GPR161: variants seen among roughly 807,000 people sequenced by gnomAD.
GPR161 encodes the protein G-protein coupled receptor RE2.
In GPR161, 25 loss-of-function variants were observed where a neutral mutation model predicts 39.2. The ratio of observed to expected loss-of-function variants is 0.64; its 90% CI spans 0.47 to 0.89. The LOEUF (loss-of-function observed/expected upper bound fraction) is 0.89. GPR161 is among the 40% of genes least tolerant of loss of function. The pLI, the probability that GPR161 is intolerant of heterozygous loss-of-function variation, is 0.00. For synonymous variants in GPR161, 286 were observed against 276.6 expected, an observed-to-expected ratio of 1.03 and a Z score of -0.34; for missense variants, 547 against 677.8, an observed-to-expected ratio of 0.81 and a Z score of 2.14.
Position 168,097,244 on chromosome 1 carries a change from A to T in GPR161, c.375-12T>A. 1 of 1,597,136 alleles carries T rather than the reference A, an allele frequency of 6.3e-7. No homozygotes were observed. The highest frequency in any genetic ancestry group is 1.3e-5 in the African/African-American group (1 of 74,700). On this transcript the variant is annotated splice_polypyrimidine_tract_variant and intron_variant, in intron 2 of 5. Coordinates refer to ENST00000682931, the MANE Select transcript of GPR161 (RefSeq NM_001375883.1). Reference sequence around the variant, plus strand: ...GGACAGCATAGTAGCTAGAAAAGGGATGGAGGGAGGCAAGAGAGAGAAGTC... The same window carrying T: ...GGACAGCATAGTAGCTAGAAAAGGGTTGGAGGGAGGCAAGAGAGAGAAGTC...
At chr1:168,122,107 T>C (rs1244343706) in intron 1 of GPR161, among the ~76,000 whole-genome samples, 1 of 152,212 alleles carries the variant, frequency 6.6e-6, no homozygotes, top group Non-Finnish European at 1.5e-5. Flanking sequence ...TCACAGGCAT[T>C]GCAAGACTGT....
intron 1 of GPR161, chr1:168,136,257 C>T: frequency 7.1e-7 from 1 of 1,400,776 alleles, no homozygotes; most frequent in South Asian, 1.5e-5. Context: ...GGCTGCTCAC[C>T]TGGTCCTCAC....
chr1:168,101,341 C>T (rs939896635), intron 2 of GPR161, among the ~76,000 whole-genome samples: 2 of 152,172 alleles, frequency 1.3e-5, no homozygotes, highest in African/African-American at 4.8e-5. Context: ...ACATTTTGGG[C>T]TGTCACGACT....
chr1:168,130,298 G>A (rs964891283), intron 1 of GPR161, among the ~76,000 whole-genome samples: 1 of 152,252 alleles, frequency 6.6e-6, no homozygotes, highest in East Asian at 1.9e-4. Flanking sequence ...CCTATGCCTC[G>A]CCAATCAGCA....
Position 168,097,227 on chromosome 1 carries a change from T to C in GPR161, c.380A>G (p.Tyr127Cys), listed in dbSNP as rs1308271373. The C allele has an allele frequency of 4.4e-6, 7 of 1,605,028 alleles. No individual in the cohort carries two copies. Among genetic ancestry groups the C allele is most frequent in the Admixed American group, 1.7e-5 (1 of 59,736 alleles). The change falls in exon 3 of 6, where the codon TAT (tyrosine) becomes TGT (cysteine). Residue 127 changes from tyrosine to cysteine, a missense_variant. By Grantham distance (194) the Tyr-to-Cys change is radical. Coordinates refer to ENST00000682931, the MANE Select transcript of GPR161 (RefSeq NM_001375883.1). The stretch of plus-strand genomic sequence containing the variant: ...GTACACCATGGGGTACAGGACAGCA[T>C]AGTAGCTAGAAAAGGGATGGAGGGA... ...TLGVIAIDRY[Y>C]AVLYPMVYPM...
At chr1:168,121,793 C>T (rs11586522) in intron 1 of GPR161, among the ~76,000 whole-genome samples, 3 of 152,086 alleles carry the variant, frequency 2.0e-5, no homozygotes, top group African/African-American at 7.2e-5. Context: ...CCACGTCATT[C>T]CCTCCGTGGG....
At chr1:168,125,375 G>A (rs892626456) in intron 1 of GPR161, among the ~76,000 whole-genome samples, 5 of 152,182 alleles carry the variant, frequency 3.3e-5, no homozygotes, top group Non-Finnish European at 5.9e-5. Context: ...CTGTAGGAGG[G>A]AAACTGCTGA....
chr1:168,121,763 G>A (rs867010937), intron 1 of GPR161, among the ~76,000 whole-genome samples: 67 of 152,282 alleles, frequency 4.4e-4, no homozygotes, highest in African/African-American at 1.3e-3. Flanking sequence ...CTGGCAGCCC[G>A]CCGGCTGCCC....
Position 168,096,693 on chromosome 1 carries a change from A to C in GPR161, c.914T>G (p.Leu305Arg), listed in dbSNP as rs773886222. 1 of 1,613,960 alleles carries C rather than the reference A, an allele frequency of 6.2e-7. No individual in the cohort carries two copies. Among genetic ancestry groups the C allele is most frequent in the African/African-American group, 1.3e-5 (1 of 74,920 alleles). ...GGACAGCCATGTGGCCCAAGTCTCC[A>C]GGCTCGGGGAGACGGAGCTTTTCCC... is the stretch of plus-strand genomic sequence containing the variant. The part of the protein sequence containing the change: ...LWGKSSVSPS[L>R]ETWATWLSFA... Residue 305 changes from leucine to arginine, a missense_variant, in exon 3 of 6, where the codon CTG becomes CGG. Leu to Arg is a moderately radical substitution (Grantham distance 102). Transcript: ENST00000682931.
At chr1:168,107,947 T>G (rs1696755739) in intron 1 of GPR161, among the ~76,000 whole-genome samples, 1 of 152,198 alleles carries the variant, frequency 6.6e-6, no homozygotes, top group Non-Finnish European at 1.5e-5. Flanking sequence ...ACTAAGTGTA[T>G]GCACCCTGTC....
At position 168,129,407 on chromosome 1, in the gene GPR161, G is replaced by T. The variant is rs533704073; in HGVS notation, c.-45+7332C>A. Among the ~76,000 whole-genome samples the T allele has an allele frequency of 3.3e-5, 5 of 152,188 alleles. No homozygotes were observed. In the South Asian group the frequency reaches 1.0e-3, roughly 32 times the overall value. On this transcript the variant is annotated intron_variant, in intron 1 of 5. Transcript: ENST00000682931. ...CATTGCAGGCCTGGAGAAAGAGTGTGGACTGGATTCTACATGTGAGAGGAA... is the reference window on the plus strand; with the variant it reads ...CATTGCAGGCCTGGAGAAAGAGTGTTGACTGGATTCTACATGTGAGAGGAA...
At chr1:168,136,410 T>C (rs779643954) in intron 1 of GPR161, 6 of 1,368,026 alleles carry the variant, frequency 4.4e-6, no homozygotes, top group Admixed American at 6.5e-5. Flanking sequence ...GCGGACTGTT[T>C]AGGGGCTTCG....
intron 1 of GPR161, among the ~76,000 whole-genome samples, chr1:168,135,731 G>GC (rs1490216648): frequency 6.6e-6 from 1 of 152,192 alleles, no homozygotes; most frequent in African/African-American, 2.4e-5. Flanking sequence ...TCCTCCCCCA[G>GC]CCCCTAGGAC....
At chr1:168,107,206 T>C (rs1248228757) in intron 1 of GPR161, among the ~76,000 whole-genome samples, 2 of 151,726 alleles carry the variant, frequency 1.3e-5, no homozygotes, top group African/African-American at 4.8e-5. Context: ...TGTAAAGAAC[T>C]AGTTAAAAAA....
At chr1:168,090,502 CG>C in intron 4 of GPR161, 61 bp downstream of exon 4, 2 of 955,526 alleles carry the variant, frequency 2.1e-6, no homozygotes, top group East Asian at 2.5e-5. Flanking sequence ...AAACGCGACA[CG>C]GGGGAAACGC....
chr1:168,097,931 T>G (rs138108469), intron 2 of GPR161, among the ~76,000 whole-genome samples: 1 of 152,214 alleles, frequency 6.6e-6, no homozygotes, highest in Non-Finnish European at 1.5e-5. Context: ...GACTCTACAA[T>G]CCCCAGTGCA....
Position 168,090,554 on chromosome 1 carries a change from C to G in GPR161, c.1204+10G>C. The stretch of plus-strand genomic sequence containing the variant: ...CGACAGGTGAGAGGCTTATAAAGCA[C>G]GCAGGTTACCTGAGTCCTGGGAGCA... On this transcript the variant is annotated intron_variant, in intron 4 of 5. Coordinates refer to ENST00000682931, the MANE Select transcript of GPR161 (RefSeq NM_001375883.1). The G allele has an allele frequency of 6.6e-7, 1 of 1,519,170 alleles. No individual in the cohort carries two copies. The highest frequency in any genetic ancestry group is 9.1e-7 in the Non-Finnish European group (1 of 1,093,922). The allele number at this position is 1,519,170 out of a possible 1,614,324, so 94.1% of individuals were successfully genotyped here.
intron 1 of GPR161, among the ~76,000 whole-genome samples, chr1:168,117,353 AC>A (rs997333863): frequency 3.3e-5 from 5 of 152,188 alleles, no homozygotes; most frequent in African/African-American, 7.2e-5. Context: ...TTTCTGAATA[AC>A]TTTTACAGGT....
At chr1:168,091,326 G>A (rs985874322) in intron 3 of GPR161, among the ~76,000 whole-genome samples, 2 of 152,172 alleles carry the variant, frequency 1.3e-5, no homozygotes, top group African/African-American at 4.8e-5. Context: ...GGGCACAGCC[G>A]CGGCAGAAGC....
Sources: allele counts gnomAD v4.1 joint callset (sites outside exome capture counted in the v4.1 genomes callset), GRCh38; gene constraint gnomAD v4.1.1; transcripts MANE v1.5; gene names NCBI Gene and HGNC (gene_info 2026-07-23, HGNC 2026-07-21).